The following LRBA variants were observed in gnomAD, a reference collection of about 807,000 sequenced individuals.
LRBA encodes lipopolysaccharide-responsive and beige-like anchor protein.
In LRBA, 176 loss-of-function variants were observed where a neutral mutation model predicts 330.0. That is an observed-to-expected ratio of 0.53 (90% CI 0.47 to 0.60). The LOEUF (loss-of-function observed/expected upper bound fraction) is 0.60, where lower values mean the gene tolerates loss of function less well. LRBA is among the 20% of genes least tolerant of loss of function. The probability of loss-of-function intolerance (pLI) is 0.00; values close to 1 mark genes in which losing one functional copy is unlikely to be tolerated. For synonymous variants in LRBA, 1,230 were observed against 1,193.0 expected (o/e 1.03, Z -0.64); for missense variants, 3,259 against 3,444.8 (o/e 0.95, Z 1.35).
intron 2 of LRBA, among the ~76,000 whole-genome samples, chr4:150,956,430 T>C (rs567889246): frequency 2.7e-5 from 4 of 148,478 alleles, no homozygotes; most frequent in East Asian, 3.9e-4. Flanking sequence ...GTGGCTTCAC[T>C]GGTGAATTCT....
chr4:150,851,494 T>C (rs1382548662), intron 23 of LRBA, among the ~76,000 whole-genome samples: 1 of 152,228 alleles, frequency 6.6e-6, no homozygotes, highest in Non-Finnish European at 1.5e-5. Context: ...TTAAATCACA[T>C]GCTTAGTAAC....
At chr4:150,805,264 G>GAAGGA (rs1296198398) in intron 33 of LRBA, among the ~76,000 whole-genome samples, 3 of 114,340 alleles carry the variant, frequency 2.6e-5, no homozygotes, top group African/African-American at 6.8e-5. Context: ...AAGGAAACGA[G>GAAGGA]AAGGAAAGGA....
intron 33 of LRBA, among the ~76,000 whole-genome samples, chr4:150,799,381 G>A (rs1741256523): frequency 6.6e-6 from 1 of 152,168 alleles, no homozygotes; most frequent in Non-Finnish European, 1.5e-5. Flanking sequence ...AAGGCCAAAA[G>A]AAAAGGCAAG....
At chr4:150,651,343 T>C (rs1204688785) in intron 37 of LRBA, among the ~76,000 whole-genome samples, 1 of 152,164 alleles carries the variant, frequency 6.6e-6, no homozygotes, top group East Asian at 1.9e-4. Context: ...ACGGCTATCC[T>C]GTTAACCACT....
Position 150,590,917 on chromosome 4 carries a change from G to C in LRBA, c.6047-58C>G, listed in dbSNP as rs940008278. ...GTTCTGGGAAGAGCACTTCGGCAGA[G>C]GGGTAGGGGCTTAGGTAAGGGTAGG... On this transcript the variant is annotated intron_variant, in intron 38 of 56. Transcript: ENST00000651943. 1.5e-5 allele frequency: 24 copies of C among 1,566,270 alleles called. 1 individual carries two copies. The East Asian group carries it at 4.7e-4, about 31-fold the overall frequency.
intron 14 of LRBA, 122 bp from the exon 15 acceptor site, chr4:150,897,940 C>T: frequency 1.5e-6 from 1 of 658,440 alleles, no homozygotes; most frequent in Non-Finnish European, 2.7e-6. Flanking sequence ...GGTAGGTCTC[C>T]TACAGAATGA....
chr4:150,872,984 A>G (rs1579060563), intron 17 of LRBA, among the ~76,000 whole-genome samples: 1 of 152,314 alleles, frequency 6.6e-6, no homozygotes, highest in East Asian at 1.9e-4. Flanking sequence ...TGACTTTTCC[A>G]TGCACATACT....
At chr4:150,686,003 T>C (rs1345999388) in intron 36 of LRBA, among the ~76,000 whole-genome samples, 1 of 152,152 alleles carries the variant, frequency 6.6e-6, no homozygotes, top group African/African-American at 2.4e-5. Context: ...AATCATAGTA[T>C]ACTTATATGA....
intron 48 of LRBA, among the ~76,000 whole-genome samples, chr4:150,343,581 G>C (rs1473965172): frequency 6.6e-6 from 1 of 152,024 alleles, no homozygotes; most frequent in African/African-American, 2.4e-5. Flanking sequence ...ATCCAGCCCA[G>C]GTTCACGTTT....
intron 34 of LRBA, among the ~76,000 whole-genome samples, chr4:150,784,176 T>G (rs1738677690): frequency 1.3e-5 from 2 of 152,236 alleles, no homozygotes; most frequent in Admixed American, 6.5e-5. Context: ...TAAATCAAGC[T>G]AATTAACATA....
chr4:150,293,497 CT>C (rs1728585820), intron 53 of LRBA, among the ~76,000 whole-genome samples: 1 of 152,142 alleles, frequency 6.6e-6, no homozygotes, highest in Admixed American at 6.6e-5. Context: ...GACATATAGA[CT>C]ATAGATGATA....
At chr4:150,342,269 AC>A (rs1288022265) in intron 48 of LRBA, among the ~76,000 whole-genome samples, 1 of 152,074 alleles carries the variant, frequency 6.6e-6, no homozygotes, top group Non-Finnish European at 1.5e-5. Context: ...AAAATGACCA[AC>A]TTTTATTTAT....
intron 37 of LRBA, among the ~76,000 whole-genome samples, chr4:150,601,285 G>A (rs1774086865): frequency 6.6e-6 from 1 of 152,090 alleles, no homozygotes. Context: ...TATAAGAGAT[G>A]TTAAGCTGCT....
intron 2 of LRBA, among the ~76,000 whole-genome samples, chr4:150,929,381 T>C (rs1445761641): frequency 1.3e-5 from 2 of 152,228 alleles, no homozygotes; most frequent in African/African-American, 4.8e-5. Flanking sequence ...ATCCAGTCTT[T>C]CATTTATGAA....
chr4:150,602,198 T>C (rs1458133619), intron 37 of LRBA, among the ~76,000 whole-genome samples: 1 of 152,182 alleles, frequency 6.6e-6, no homozygotes, highest in Non-Finnish European at 1.5e-5. Context: ...CTAGAAAGAA[T>C]TATAAAAATC....
intron 53 of LRBA, among the ~76,000 whole-genome samples, chr4:150,294,981 ACAGAATGATCC>A (rs1469472084): frequency 7.9e-5 from 12 of 152,072 alleles, no homozygotes; most frequent in Non-Finnish European, 1.6e-4. Context: ...AGTAGTAGCA[ACAGAATGATCC>A]CTTTTTTCAC....
chr4:150,425,348 A>G (rs953183195), intron 46 of LRBA, among the ~76,000 whole-genome samples: 10 of 152,206 alleles, frequency 6.6e-5, no homozygotes, highest in Non-Finnish European at 1.3e-4. Flanking sequence ...TTTACAATTC[A>G]CGTTTTCTTC....
intron 46 of LRBA, chr4:150,422,849 CA>C: frequency 7.3e-7 from 1 of 1,365,024 alleles, no homozygotes; most frequent in Non-Finnish European, 1.0e-6. Context: ...TACTGAACTC[CA>C]CCACGTGATC....
chr4:150,920,926 G>A (rs992184720), intron 5 of LRBA, among the ~76,000 whole-genome samples: 13 of 152,214 alleles, frequency 8.5e-5, no homozygotes, highest in Non-Finnish European at 1.5e-5. Flanking sequence ...AGCTACTTAA[G>A]ACAACATGGC....
Sources: allele counts gnomAD v4.1 joint callset (sites outside exome capture counted in the v4.1 genomes callset), GRCh38; gene constraint gnomAD v4.1.1; transcripts MANE v1.5; gene names NCBI Gene and HGNC (gene_info 2026-07-23, HGNC 2026-07-21).